The following PIP5K1C variants were observed in gnomAD, a reference collection of about 807,000 sequenced individuals.
The protein encoded by PIP5K1C is phosphatidylinositol 4-phosphate 5-kinase type-1 gamma.
A neutral mutation model predicts 80.1 loss-of-function variants in PIP5K1C; 45 were observed. That is an observed-to-expected ratio of 0.56 (90% CI 0.44 to 0.72). The LOEUF (loss-of-function observed/expected upper bound fraction) is 0.72. PIP5K1C is among the 30% of genes least tolerant of loss of function. The pLI is 0.00. For synonymous variants in PIP5K1C, 498 were observed against 420.1 expected (o/e 1.19, Z -2.27); for missense variants, 753 against 954.6 (o/e 0.79, Z 2.78).
Position 3,637,931 on chromosome 19 carries a change from G to C in PIP5K1C, c.1920+953C>G. The C allele has an allele frequency of 6.5e-7, 1 of 1,535,244 alleles. No individual in the cohort carries two copies. The highest frequency in any genetic ancestry group is 8.7e-7 in the Non-Finnish European group (1 of 1,146,708). ...GGAAAAGGGGTGACGACGTGCGGTGGGTAGGGGCACAGGCACGCGGCCCGT... is the reference window on the plus strand; with the variant it reads ...GGAAAAGGGGTGACGACGTGCGGTGCGTAGGGGCACAGGCACGCGGCCCGT... On this transcript the variant is annotated intron_variant, in intron 16 of 17. Coordinates refer to ENST00000335312, the MANE Select transcript of PIP5K1C (RefSeq NM_012398.3). The surrounding 1 kb of genome is among the most constrained non-coding windows in gnomAD (Gnocchi z 7.0).
chr19:3,645,184 C>T (rs1387539063), intron 11 of PIP5K1C, among the ~76,000 whole-genome samples: 1 of 152,246 alleles, frequency 6.6e-6, no homozygotes, highest in South Asian at 2.1e-4. Context: ...CTCCCTGCAA[C>T]CCCCGTGGGT....
intron 1 of PIP5K1C, among the ~76,000 whole-genome samples, chr19:3,670,809 A>T (rs1302173226): frequency 6.6e-6 from 1 of 152,082 alleles, no homozygotes; most frequent in Non-Finnish European, 1.5e-5. Flanking sequence ...CATGGTGCTC[A>T]CTGCAGGGGC....
Position 3,637,466 on chromosome 19 carries a change from G to A in PIP5K1C, c.1920+1418C>T, listed in dbSNP as rs893852621. The A allele has an allele frequency of 8.5e-6, 13 of 1,535,702 alleles. No homozygotes were observed. Among genetic ancestry groups the A allele is most frequent in the South Asian group, 1.2e-5 (1 of 84,066 alleles). ...GTCAGACACTGAGCTTCCGGCCGGG[G>A]ACCTGCGGCTCCCTGCTGCCCGAGG... On this transcript the variant is annotated intron_variant, in intron 16 of 17. Coordinates refer to ENST00000335312, the MANE Select transcript of PIP5K1C (RefSeq NM_012398.3). This position sits in a 1 kb window ranked among gnomAD's most constrained non-coding sequence, Gnocchi z 7.0.
chr19:3,690,415 C>T (rs1270576605), intron 1 of PIP5K1C, among the ~76,000 whole-genome samples: 2 of 149,770 alleles, frequency 1.3e-5, no homozygotes, highest in Non-Finnish European at 3.0e-5. Flanking sequence ...CCCAGGAGGT[C>T]GAGGCTGCGG....
chr19:3,638,908 G>T lies in PIP5K1C; in HGVS notation c.1896C>A (p.Asp632Glu), dbSNP rs142522645. 6.2e-7 allele frequency: 1 copy of T among 1,612,668 alleles called. No homozygotes were observed. Among genetic ancestry groups the T allele is most frequent in the Non-Finnish European group, 8.5e-7 (1 of 1,179,930 alleles). The change falls in exon 16 of 18, where the codon GAC becomes GAA. Residue 632 changes from aspartate (D) to glutamate (E), a missense_variant. By Grantham distance (45) the Asp-to-Glu change is conservative (BLOSUM62 2). Coordinates refer to ENST00000335312, the MANE Select transcript of PIP5K1C (RefSeq NM_012398.3). ...CAAAGTAGATGTCGGTGGCGGGCGC[G>T]TCCTCCTCGTCCGAGGCCTGGCTGG... ...APASQASDEE[D>E]APATDIYFPT...
At position 3,633,474 on chromosome 19, in the gene PIP5K1C, G is replaced by A. The variant is rs781228967; in HGVS notation, c.1967C>T (p.Ala656Val). ...GCCGTCGGAGGCCGGGGGGGCCTGG[G>A]CGCTATAGTGGAGCGGGGAGTACAC... is the stretch of plus-strand genomic sequence containing the variant. The part of the protein sequence containing the change: ...SWVYSPLHYS[A>V]QAPPASDGES... The change falls in exon 17 of 18, where the codon GCC (alanine) becomes GTC (valine). Residue 656 changes from alanine to valine, a missense_variant. By Grantham distance (64) the Ala-to-Val change is moderately conservative (BLOSUM62 0). Transcript: ENST00000335312. The A allele has an allele frequency of 2.3e-5, 35 of 1,516,686 alleles. No homozygotes were observed. The East Asian group carries it at 4.4e-4, about 19-fold the overall frequency. 94.0% of individuals were successfully genotyped at this position (1,516,686 alleles called of 1,614,324 possible). A position where few individuals can be genotyped will look rare whatever the true frequency, so the allele number is the denominator to read the frequency against.
chr19:3,671,836 G>C (rs555794399), intron 1 of PIP5K1C, among the ~76,000 whole-genome samples: 13 of 152,342 alleles, frequency 8.5e-5, no homozygotes, highest in Admixed American at 3.9e-4. Flanking sequence ...GACCCCCATA[G>C]GGGGCTGTCA....
chr19:3,671,106 G>T (rs568244003), intron 1 of PIP5K1C, among the ~76,000 whole-genome samples: 4 of 152,166 alleles, frequency 2.6e-5, no homozygotes, highest in African/African-American at 9.7e-5. Flanking sequence ...GGGGCGGGAC[G>T]TTCCAGACCT....
chr19:3,700,407 C>A lies in PIP5K1C; in HGVS notation c.-17G>T. On this transcript the variant is annotated 5_prime_UTR_variant, in exon 1 of 18. Coordinates refer to ENST00000335312, the MANE Select transcript of PIP5K1C (RefSeq NM_012398.3). ...CAGCTCCATGGCCGCGCGCGGACGG[C>A]GGCGGGGGCGCCCGAGGGGGACCCG... 1.8e-6 allele frequency: 2 copies of A among 1,095,142 alleles called. No homozygotes were observed. Among genetic ancestry groups the A allele is most frequent in the Admixed American group, 4.9e-5 (1 of 20,456 alleles). 67.8% of individuals were successfully genotyped at this position (1,095,142 alleles called of 1,614,324 possible).
At chr19:3,655,019 A>C (rs747212483) in intron 6 of PIP5K1C, among the ~76,000 whole-genome samples, 4 of 150,680 alleles carry the variant, frequency 2.7e-5, no homozygotes, top group Non-Finnish European at 5.9e-5. Flanking sequence ...GAGGCAGCAG[A>C]ATCGCTTGAA....
rs895205339 is a variant in PIP5K1C, at chr19:3,637,229, G to T, written c.1920+1655C>A. On this transcript the variant is annotated intron_variant, in intron 16 of 17. Transcript: ENST00000335312. This position sits in a 1 kb window ranked among gnomAD's most constrained non-coding sequence, Gnocchi z 7.0. ...AGAGGGCTGGGTCCAGGGGCAGAGA[G>T]GGGCTCGCTGGGGTCTGGCCGGGGT... The T allele has an allele frequency of 6.9e-7, 1 of 1,440,750 alleles. No homozygotes were observed. The highest frequency in any genetic ancestry group is 1.4e-5 in the African/African-American group (1 of 70,004). 89.2% of individuals were successfully genotyped at this position (1,440,750 alleles called of 1,614,324 possible). A position where few individuals can be genotyped will look rare whatever the true frequency, so the allele number is the denominator to read the frequency against.
chr19:3,697,333 G>A (rs575181482), intron 1 of PIP5K1C, among the ~76,000 whole-genome samples: 1 of 150,038 alleles, frequency 6.7e-6, no homozygotes, highest in East Asian at 2.0e-4. Flanking sequence ...GAGGAGGACC[G>A]AGCTGGACCG....
intron 1 of PIP5K1C, among the ~76,000 whole-genome samples, chr19:3,669,158 C>G (rs2035118101): frequency 6.6e-6 from 1 of 152,190 alleles, no homozygotes; most frequent in Non-Finnish European, 1.5e-5. Context: ...GGTCTGGCAG[C>G]TGGGGGTGCT....
At chr19:3,647,439 GC>G (rs2034278852) in intron 9 of PIP5K1C, 53 bp from the exon 10 acceptor site, 1 of 1,495,418 alleles carries the variant, frequency 6.7e-7, no homozygotes, top group Non-Finnish European at 9.1e-7. Context: ...CCCATGCCAG[GC>G]CACCTCACTC....
intron 5 of PIP5K1C, among the ~76,000 whole-genome samples, chr19:3,660,197 G>A (rs759695722): frequency 1.7e-4 from 26 of 152,114 alleles, no homozygotes; most frequent in Non-Finnish European, 3.5e-4. Context: ...TGGCTGACAC[G>A]GTGAAACCCC....
chr19:3,687,575 GCA>G (rs2035801897), intron 1 of PIP5K1C, among the ~76,000 whole-genome samples: 1 of 147,714 alleles, frequency 6.8e-6, no homozygotes, highest in South Asian at 2.1e-4. Flanking sequence ...ACATGCACAC[GCA>G]CACACATGCA....
At chr19:3,654,633 T>C (rs2034559322) in intron 6 of PIP5K1C, among the ~76,000 whole-genome samples, 2 of 151,394 alleles carry the variant, frequency 1.3e-5, no homozygotes, top group South Asian at 2.1e-4. Flanking sequence ...CTGGCCAACA[T>C]GGTGAAACCC....
intron 7 of PIP5K1C, among the ~76,000 whole-genome samples, chr19:3,652,338 C>A (rs1283618571): frequency 6.6e-6 from 1 of 152,270 alleles, no homozygotes; most frequent in Non-Finnish European, 1.5e-5. Flanking sequence ...GGGAGCCGGG[C>A]CTATGCTCTG....
At chr19:3,678,336 G>C (rs2035461821) in intron 1 of PIP5K1C, among the ~76,000 whole-genome samples, 1 of 138,682 alleles carries the variant, frequency 7.2e-6, no homozygotes. Flanking sequence ...AGGGATGCAG[G>C]GACAGAGGCA....
Sources: allele counts gnomAD v4.1 joint callset (sites outside exome capture counted in the v4.1 genomes callset), GRCh38; gene constraint gnomAD v4.1.1; non-coding constraint Gnocchi (gnomAD v3.1); transcripts MANE v1.5; gene names NCBI Gene and HGNC (gene_info 2026-07-23, HGNC 2026-07-21).